Variants in PLCL1 observed in about 807,000 individuals in gnomAD.
The protein encoded by PLCL1 is phospholipase C like 1 (inactive), also known as inactive phospholipase C-like protein 1.
PLCL1 carries 41 observed loss-of-function variants against 84.4 expected under a neutral mutation model. That is an observed-to-expected ratio of 0.49 (90% CI 0.38 to 0.63). PLCL1 has a LOEUF of 0.63. Ranked by LOEUF, PLCL1 falls within the 30% of genes least tolerant of loss-of-function variation. The pLI is 0.00. For synonymous variants in PLCL1, 490 were observed against 488.3 expected (o/e 1.00, Z -0.05); for missense variants, 1,206 against 1,367.8 (o/e 0.88, Z 1.87).
chr2:197,968,927 C>A (rs986504910), intron 1 of PLCL1, among the ~76,000 whole-genome samples: 2 of 152,204 alleles, frequency 1.3e-5, no homozygotes, highest in Admixed American at 6.5e-5. Flanking sequence ...GGGTCCCCAA[C>A]CCCCAGACCA....
chr2:197,906,135 T>C (rs1468205679), intron 1 of PLCL1, among the ~76,000 whole-genome samples: 2 of 152,210 alleles, frequency 1.3e-5, no homozygotes. Context: ...CATGACGTCT[T>C]TCCCCATGCC....
At chr2:198,038,851 A>AG (rs1301079090) in intron 1 of PLCL1, among the ~76,000 whole-genome samples, 2 of 151,672 alleles carry the variant, frequency 1.3e-5, no homozygotes, top group East Asian at 3.9e-4. Flanking sequence ...GGTCAAAAAA[A>AG]AAAAAAAAAG....
chr2:197,972,535 T>G (rs1055072127), intron 1 of PLCL1, among the ~76,000 whole-genome samples: 21 of 152,184 alleles, frequency 1.4e-4, no homozygotes, highest in African/African-American at 4.8e-4. Flanking sequence ...AAATTATCCT[T>G]CATCATCAGT....
At chr2:197,867,260 C>T in intron 1 of PLCL1, among the ~76,000 whole-genome samples, 1 of 152,092 alleles carries the variant, frequency 6.6e-6, no homozygotes, top group East Asian at 1.9e-4. Context: ...ATTCTTTCTC[C>T]CTAAATCTTC....
At chr2:198,086,918 A>G (rs1387398932) in intron 2 of PLCL1, among the ~76,000 whole-genome samples, 1 of 152,216 alleles carries the variant, frequency 6.6e-6, no homozygotes, top group Non-Finnish European at 1.5e-5. Flanking sequence ...TATATATAAC[A>G]TATTTGCATA....
chr2:198,120,098 G>A (rs183326597), intron 5 of PLCL1, among the ~76,000 whole-genome samples: 62 of 151,996 alleles, frequency 4.1e-4, no homozygotes, highest in Non-Finnish European at 7.8e-4. Context: ...TGGCAGCTCC[G>A]TTTTCTCATG....
chr2:198,018,072 C>A (rs533884428), intron 1 of PLCL1, among the ~76,000 whole-genome samples: 1 of 152,068 alleles, frequency 6.6e-6, no homozygotes, highest in African/African-American at 2.4e-5. Context: ...TGGGTGCAGC[C>A]CATGGAGGGC....
At chr2:198,146,358 G>C (rs912550153) in intron 5 of PLCL1, among the ~76,000 whole-genome samples, 1 of 152,150 alleles carries the variant, frequency 6.6e-6, no homozygotes. Flanking sequence ...TGTACAGAGG[G>C]GGAGATTTTA....
intron 1 of PLCL1, among the ~76,000 whole-genome samples, chr2:197,954,693 A>G (rs1423091387): frequency 6.6e-6 from 1 of 152,064 alleles, no homozygotes; most frequent in Non-Finnish European, 1.5e-5. Flanking sequence ...ACTGACTTCT[A>G]TGAATTTCAC....
At position 198,084,735 on chromosome 2, in the gene PLCL1, C is replaced by T; in HGVS notation, c.1218C>T (p.His406=). ...AAGATATGACCCAGCCATTATCTCA[C>T]TACTATATCAATGCCTCTCATAACA... ...VAQDMTQPLS[H]YYINASHNTY... is the part of the protein sequence containing the mutation. The change falls in exon 2 of 6, where the codon CAC becomes CAT. Residue 406 remains histidine, a synonymous_variant. Coordinates refer to ENST00000428675, the MANE Select transcript of PLCL1 (RefSeq NM_006226.4). 1 of 1,614,076 alleles carries T rather than the reference C, an allele frequency of 6.2e-7. No individual in the cohort carries two copies. Among genetic ancestry groups the T allele is most frequent in the Non-Finnish European group, 8.5e-7 (1 of 1,179,958 alleles).
chr2:197,898,279 G>A (rs1197429731), intron 1 of PLCL1, among the ~76,000 whole-genome samples: 1 of 152,164 alleles, frequency 6.6e-6, no homozygotes, highest in African/African-American at 2.4e-5. Flanking sequence ...AGGTTACTGG[G>A]CTCAAGGGTC....
At chr2:198,006,985 T>G (rs1690744128) in intron 1 of PLCL1, among the ~76,000 whole-genome samples, 7 of 152,020 alleles carry the variant, frequency 4.6e-5, no homozygotes, top group Admixed American at 4.6e-4. Flanking sequence ...GTAGATACCA[T>G]GAAATAGAAA....
intron 1 of PLCL1, among the ~76,000 whole-genome samples, chr2:197,869,385 T>G (rs75288508): frequency 1.3e-5 from 2 of 152,130 alleles, no homozygotes; most frequent in African/African-American, 4.8e-5. Flanking sequence ...CTTTTTTTTT[T>G]GCCTAAATGG....
intron 1 of PLCL1, among the ~76,000 whole-genome samples, chr2:197,942,821 T>G (rs1689186632): frequency 6.6e-6 from 1 of 152,244 alleles, no homozygotes; most frequent in African/African-American, 2.4e-5. Flanking sequence ...TATCTAATGA[T>G]GAATAATCAA....
intron 1 of PLCL1, among the ~76,000 whole-genome samples, chr2:197,999,781 G>T (rs1690556541): frequency 6.6e-6 from 1 of 152,180 alleles, no homozygotes; most frequent in Non-Finnish European, 1.5e-5. Flanking sequence ...TGTGGCTATG[G>T]AAATCATATA....
chr2:198,133,463 A>G (rs1186016173), intron 5 of PLCL1, among the ~76,000 whole-genome samples: 1 of 151,346 alleles, frequency 6.6e-6, no homozygotes, highest in Non-Finnish European at 1.5e-5. Context: ...CCAGCATGGC[A>G]CATGTATACA....
At chr2:197,812,764 C>T (rs1381915031) in intron 1 of PLCL1, among the ~76,000 whole-genome samples, 1 of 152,160 alleles carries the variant, frequency 6.6e-6, no homozygotes, top group African/African-American at 2.4e-5. Flanking sequence ...TTCAGAACAC[C>T]TGCTCTGTGA....
At chr2:198,034,993 G>A (rs1006477268) in intron 1 of PLCL1, among the ~76,000 whole-genome samples, 3 of 152,200 alleles carry the variant, frequency 2.0e-5, no homozygotes, top group Non-Finnish European at 1.5e-5. Context: ...TTCATGTCTC[G>A]TCATGGTATC....
In PLCL1 at chr2:198,001,849, C is replaced by T. The variant is rs575642914; in HGVS notation, c.241-81909C>T. 1.7e-4 allele frequency: 34 copies of T among 196,770 alleles called. No individual in the cohort carries two copies. In the South Asian group the frequency reaches 2.1e-3, roughly 12 times the overall value. 12.2% of individuals were successfully genotyped at this position (196,770 alleles called of 1,614,324 possible). A position where few individuals can be genotyped will look rare whatever the true frequency, so the allele number is the denominator to read the frequency against. On this transcript the variant is annotated intron_variant, in intron 1 of 5. Transcript: ENST00000428675. ...TGGCGGCATTAGATTCTCATAGGAG[C>T]GCGAAACCCTATTGTGAACTGTGCG...
Sources: gnomAD v4.1 joint callset for allele counts (sites outside exome capture counted in the v4.1 genomes callset) on GRCh38, gnomAD v4.1.1 for gene constraint, MANE v1.5 for transcripts, NCBI Gene and HGNC (gene_info 2026-07-23, HGNC 2026-07-21) for gene names.